The following GAA variants were observed in gnomAD, a reference collection of about 807,000 sequenced individuals.
GAA encodes the protein alpha glucosidase.
In GAA, 88 loss-of-function variants were observed where a neutral mutation model predicts 103.9. The ratio of observed to expected loss-of-function variants is 0.85; its 90% CI spans 0.71 to 1.01. The LOEUF is 1.01. GAA is among the 50% of genes least tolerant of loss of function. The pLI is 0.00. For missense variants in GAA, 1,350 were observed against 1,305.3 expected, an observed-to-expected ratio of 1.03 and a Z score of -0.53; for synonymous variants, 572 against 563.1, an observed-to-expected ratio of 1.02 and a Z score of -0.22.
In GAA at chr17:80,117,634, CA is replaced by C. The variant is rs1567839599; in HGVS notation, c.2367del (p.Pro790LeufsTer16). The C allele has an allele frequency of 6.2e-7, 1 of 1,612,876 alleles. No homozygotes were observed. The highest frequency in any genetic ancestry group is 8.5e-7 in the Non-Finnish European group (1 of 1,179,944). On this transcript the variant is annotated frameshift_variant, in exon 17 of 20. Transcript: ENST00000302262. LOFTEE classifies it high-confidence loss of function. Reference protein sequence around the residue: ...PVEALGSLPPPPAAPREPAIH... With the variant: ...PVEALGSLPPXPAAPREPAIH... The stretch of plus-strand genomic sequence containing the variant: ...GAGGCCCTTGGCAGCCTCCCACCCC[CA>C]CCTGCAGCTCCCCGTGAGCCAGCCA...
chr17:80,117,252 G>A lies in GAA; in HGVS notation c.2331+143G>A, dbSNP rs918415134. The A allele has an allele frequency of 3.9e-5, 34 of 882,286 alleles. No individual in the cohort carries two copies. In the Admixed American group the frequency reaches 4.0e-4, roughly 10 times the overall value. 54.7% of individuals were successfully genotyped at this position (882,286 alleles called of 1,614,324 possible). A position where few individuals can be genotyped will look rare whatever the true frequency, so the allele number is the denominator to read the frequency against. ...CCGGCCATGTGCCAGGCCCCCACCC[G>A]GCTGCTCCGCACCCATCAGCCTCTC... On this transcript the variant is annotated intron_variant, in intron 16 of 19. Coordinates refer to ENST00000302262, the MANE Select transcript of GAA (RefSeq NM_000152.5).
intron 15 of GAA, among the ~76,000 whole-genome samples, chr17:80,114,349 C>T (rs1420240089): frequency 6.6e-6 from 1 of 151,996 alleles, no homozygotes; most frequent in Non-Finnish European, 1.5e-5. Flanking sequence ...ACATTCTTCA[C>T]CCGGAAATCC....
intron 3 of GAA, among the ~76,000 whole-genome samples, chr17:80,106,295 A>T (rs1001495473): frequency 3.2e-5 from 4 of 123,116 alleles, no homozygotes; most frequent in Admixed American, 8.0e-5. Flanking sequence ...CCGGGGACAG[A>T]CACACAGTGA....
chr17:80,105,981 A>C (rs1567827503), intron 3 of GAA, 87 bp downstream of exon 3: 2,103 of 1,469,724 alleles, frequency 1.4e-3, no homozygotes, highest in Non-Finnish European at 1.7e-3. Flanking sequence ...TTTGTTTCTC[A>C]CACGATGGGC....
chr17:80,106,001 CAT>C (rs748366813), intron 3 of GAA, 107 bp downstream of exon 3: 155 of 1,432,074 alleles, frequency 1.1e-4, no homozygotes, highest in East Asian at 3.7e-4. Flanking sequence ...CAGGGCGACA[CAT>C]GTTTGTTTCT....
rs11304736 is a variant in GAA at position 80,111,142 on chromosome 17, C to CG, written c.1636+126dup. On this transcript the variant is annotated intron_variant, in intron 11 of 19. Coordinates refer to ENST00000302262, the MANE Select transcript of GAA (RefSeq NM_000152.5). ...GCAGATGGGCCAGCGGGGAAAGGGG[C>CG]GGGGGGGGGATCCCCAGGAGAAAGG... is the stretch of plus-strand genomic sequence containing the variant. 253 of 130,942 alleles carry CG rather than the reference C, an allele frequency of 1.9e-3. 3 individuals are homozygous for CG. The highest frequency in any genetic ancestry group is 0.016 in the African/African-American group (205 of 13,146). The allele number at this position is 130,942 out of a possible 1,614,324, so 8.1% of individuals were successfully genotyped here. A position where few individuals can be genotyped will look rare whatever the true frequency, so the allele number is the denominator to read the frequency against.
rs12939656 is a variant in GAA at position 80,106,419 on chromosome 17, G to C, written c.692+525G>C. 2.8e-3 allele frequency among the ~76,000 whole-genome samples: 413 copies of C among 149,020 alleles called. 2 individuals are homozygous for C. Among genetic ancestry groups the C allele is most frequent in the South Asian group, 4.3e-3 (20 of 4,674 alleles). On this transcript the variant is annotated intron_variant, in intron 3 of 19. Coordinates refer to ENST00000302262, the MANE Select transcript of GAA (RefSeq NM_000152.5). ...GCAGGGAGGTCCCCTCTAGAAGCCA[G>C]CTGTGCAGACGCAGGGGACAGGGAT...
intron 19 of GAA, 79 bp from the exon 20 acceptor site, chr17:80,119,193 A>G (rs1331694477): frequency 7.1e-7 from 1 of 1,401,312 alleles, no homozygotes; most frequent in South Asian, 1.2e-5. Flanking sequence ...TCGGGGCCAG[A>G]TGGAGCCGCC....
rs398123174 is a variant in GAA at position 80,104,893 on chromosome 17, T to G, written c.307T>G (p.Cys103Gly). ...TGACAAGGCCATCACCCAGGAACAG[T>G]GCGAGGCCCGCGGCTGTTGCTACAT... ...APDKAITQEQ[C>G]EARGCCYIPA... The change falls in exon 2 of 20, where the codon TGC (cysteine) becomes GGC (glycine). Residue 103 changes from cysteine (C) to glycine (G), a missense_variant. Coordinates refer to ENST00000302262, the MANE Select transcript of GAA (RefSeq NM_000152.5). This position sits in a 1 kb window ranked among gnomAD's most constrained non-coding sequence, Gnocchi z 4.0. The G allele has an allele frequency of 1.7e-5, 27 of 1,612,770 alleles. No homozygotes were observed. Among genetic ancestry groups the G allele is most frequent in the Non-Finnish European group, 2.2e-5 (26 of 1,179,888 alleles).
chr17:80,113,989 G>A (rs577259147), intron 15 of GAA, among the ~76,000 whole-genome samples: 3 of 149,972 alleles, frequency 2.0e-5, no homozygotes, highest in African/African-American at 7.4e-5. Context: ...CTGTACTCCA[G>A]CCTGTGTGAC....
At position 80,112,955 on chromosome 17, in the gene GAA, GCT is replaced by G; in HGVS notation, c.1969_1970del (p.Leu657ValfsTer79). ...CGFLGNTSEE[L>X]CVRWTQLGAF... ...GCTTCCTGGGCAACACCTCAGAGGA[GCT>G]GTGTGTGCGCTGGACCCAGCTGGGG... On this transcript the variant is annotated frameshift_variant, in exon 14 of 20. Coordinates refer to ENST00000302262, the MANE Select transcript of GAA (RefSeq NM_000152.5). LOFTEE classifies it high-confidence loss of function. 6.2e-7 allele frequency: 1 copy of G among 1,610,620 alleles called. No homozygotes were observed. The highest frequency in any genetic ancestry group is 8.5e-7 in the Non-Finnish European group (1 of 1,179,052).
At chr17:80,108,655 TCTC>T in intron 7 of GAA, 39 bp from the exon 8 acceptor site, 1 of 1,612,484 alleles carries the variant, frequency 6.2e-7, no homozygotes, top group Non-Finnish European at 8.5e-7. Flanking sequence ...CCGGGACGCG[TCTC>T]CTCAGGCCCC....
chr17:80,110,996 A>G lies in GAA; in HGVS notation c.1607A>G (p.Asn536Ser), dbSNP rs368568190. Residue 536 changes from asparagine (N) to serine (S), a missense_variant, in exon 11 of 20, where the codon AAT becomes AGT. Physicochemically the swap from Asn to Ser is conservative, Grantham distance 46. Coordinates refer to ENST00000302262, the MANE Select transcript of GAA (RefSeq NM_000152.5). ...IRGSEDGCPN[N>S]ELENPPYVPG... Reference sequence around the variant, plus strand: ...GGCTCTGAGGACGGCTGCCCCAACAATGAGCTGGAGAACCCACCCTACGTG... The same window carrying G: ...GGCTCTGAGGACGGCTGCCCCAACAGTGAGCTGGAGAACCCACCCTACGTG... 21 of 1,613,702 alleles carry G rather than the reference A, an allele frequency of 1.3e-5. No individual in the cohort carries two copies. Among genetic ancestry groups the G allele is most frequent in the Middle Eastern group, 1.6e-4 (1 of 6,084 alleles).
chr17:80,118,944 G>A, intron 19 of GAA, 139 bp downstream of exon 19: 1 of 1,087,862 alleles, frequency 9.2e-7, no homozygotes, highest in South Asian at 1.4e-5. Flanking sequence ...GGAGGAGTGG[G>A]AAGGGTCAGG....
chr17:80,118,536 A>C, intron 18 of GAA, 117 bp from the exon 19 acceptor site: 1 of 1,424,748 alleles, frequency 7.0e-7, no homozygotes, highest in South Asian at 1.2e-5. Context: ...GTGTACACAG[A>C]GGGAGGTCAC....
chr17:80,118,759 C>T lies in GAA; in HGVS notation c.2753C>T (p.Ser918Phe), dbSNP rs773667152. The T allele has an allele frequency of 2.9e-5, 46 of 1,613,550 alleles. No individual in the cohort carries two copies. The South Asian group carries it at 4.7e-4, about 17-fold the overall frequency. ...GVATAPQQVLSNGVPVSNFTY... is the reference protein window; with the variant it reads ...GVATAPQQVLFNGVPVSNFTY... ...GCCACGGCGCCCCAGCAGGTCCTCT[C>T]CAACGGTGTCCCTGTCTCCAACTTC... is the stretch of plus-strand genomic sequence containing the variant. Residue 918 changes from serine to phenylalanine, a missense_variant, in exon 19 of 20, where the codon TCC becomes TTC. By Grantham distance (155) the Ser-to-Phe change is radical. Coordinates refer to ENST00000302262, the MANE Select transcript of GAA (RefSeq NM_000152.5).
chr17:80,112,198 C>A, intron 12 of GAA, 98 bp downstream of exon 12: 2 of 1,242,198 alleles, frequency 1.6e-6, no homozygotes, highest in Non-Finnish European at 2.3e-6. Context: ...AAAGCGGAGG[C>A]CCAGACCACC....
chr17:80,110,635 G>A, intron 9 of GAA, 92 bp from the exon 10 acceptor site: 1 of 1,088,604 alleles, frequency 9.2e-7, no homozygotes, highest in Non-Finnish European at 1.4e-6. Context: ...TAAGAGTGAG[G>A]CTGCCCCTCT....
At chr17:80,111,360 G>A (rs575856177) in intron 11 of GAA, among the ~76,000 whole-genome samples, 9 of 152,332 alleles carry the variant, frequency 5.9e-5, no homozygotes, top group Non-Finnish European at 1.2e-4. Context: ...GGCCCAACTC[G>A]AATGCAGCAC....
Sources: allele counts gnomAD v4.1 joint callset (sites outside exome capture counted in the v4.1 genomes callset), GRCh38; gene constraint gnomAD v4.1.1; non-coding constraint Gnocchi (gnomAD v3.1); transcripts MANE v1.5; gene names NCBI Gene and HGNC (gene_info 2026-07-23, HGNC 2026-07-21).